The following AVL9 variants were observed in gnomAD, a reference collection of about 807,000 sequenced individuals.
AVL9 encodes AVL9 cell migration associated.
AVL9 carries 49 observed loss-of-function variants against 79.2 expected under a neutral mutation model. That is an observed-to-expected ratio of 0.62 (90% CI 0.49 to 0.79). The LOEUF is 0.79. Among genes scored for constraint, AVL9 ranks in the 30% least tolerant of loss-of-function variants. AVL9 has a pLI of 0.00. For missense variants in AVL9, 682 were observed against 776.8 expected, an observed-to-expected ratio of 0.88 and a Z score of 1.45; for synonymous variants, 299 against 280.6, an observed-to-expected ratio of 1.07 and a Z score of -0.65.
At chr7:32,528,737 G>T (rs778273442) in intron 1 of AVL9, among the ~76,000 whole-genome samples, 2 of 152,180 alleles carry the variant, frequency 1.3e-5, no homozygotes, top group East Asian at 1.9e-4. Context: ...ATAGGCCGGC[G>T]CAGTGGCTCA....
intron 11 of AVL9, among the ~76,000 whole-genome samples, chr7:32,572,070 G>T (rs1175328428): frequency 6.6e-6 from 1 of 151,704 alleles, no homozygotes; most frequent in Admixed American, 6.6e-5. Flanking sequence ...GCTGAGGCAG[G>T]AGAATCGCTT....
intron 1 of AVL9, chr7:32,532,174 C>T (rs1583529290): frequency 1.3e-5 from 2 of 152,186 alleles, no homozygotes; most frequent in South Asian, 4.1e-4. Context: ...CATCTCCAAC[C>T]AGATTCTTTT....
chr7:32,582,431 T>G (rs1299270835), intron 15 of AVL9, among the ~76,000 whole-genome samples: 1 of 152,252 alleles, frequency 6.6e-6, no homozygotes, highest in Non-Finnish European at 1.5e-5. Context: ...ACCACTAGAT[T>G]AGTTTTATTG....
chr7:32,562,456 C>T, intron 10 of AVL9: 1 of 184,308 alleles, frequency 5.4e-6, no homozygotes, highest in South Asian at 1.8e-4. Context: ...TTGTTCTAAC[C>T]CTATTTTTTA....
chr7:32,559,546 C>T, intron 10 of AVL9, 82 bp downstream of exon 10: 1 of 1,420,312 alleles, frequency 7.0e-7, no homozygotes. Context: ...TTTTGGTATT[C>T]AACACATTTT....
Position 32,583,900 on chromosome 7 carries a change from A to G in AVL9, c.1940A>G (p.Lys647Arg). The G allele has an allele frequency of 6.2e-7, 1 of 1,612,708 alleles. No homozygotes were observed. The highest frequency in any genetic ancestry group is 8.5e-7 in the Non-Finnish European group (1 of 1,178,722). Residue 647 changes from lysine (K) to arginine (R), a missense_variant, in exon 16 of 16, where the codon AAG (lysine) becomes AGG (arginine). Lys to Arg is a conservative substitution (Grantham distance 26). Transcript: ENST00000318709. ...AGTCTCACTGAGCCACCAGATGAGA[A>G]GCCTTGAGCAAGGCGTCAGAGGCTG... ...SQSLTEPPDE[K>R]P
chr7:32,563,066 C>G (rs1477577911), intron 10 of AVL9, among the ~76,000 whole-genome samples: 2 of 152,158 alleles, frequency 1.3e-5, no homozygotes, highest in Non-Finnish European at 2.9e-5. Context: ...AAGTCTTGTT[C>G]TGTCCCCCAG....
At chr7:32,544,809 C>G (rs533039303) in intron 3 of AVL9, 30 bp downstream of exon 3, 1 of 1,537,768 alleles carries the variant, frequency 6.5e-7, no homozygotes, top group East Asian at 2.3e-5. Context: ...AAAACAATTC[C>G]AAAGTCCCTT....
intron 8 of AVL9, among the ~76,000 whole-genome samples, chr7:32,554,837 A>ATC (rs1789989086): frequency 6.6e-6 from 1 of 152,142 alleles, no homozygotes; most frequent in Admixed American, 6.5e-5. Context: ...ATATTGGCTC[A>ATC]CTTTGGATTT....
At chr7:32,560,742 C>T (rs1426444740) in intron 10 of AVL9, among the ~76,000 whole-genome samples, 3 of 152,156 alleles carry the variant, frequency 2.0e-5, no homozygotes, top group African/African-American at 7.2e-5. Context: ...TGCCCAGATC[C>T]ATCAAAGGAA....
intron 10 of AVL9, among the ~76,000 whole-genome samples, chr7:32,560,484 C>G (rs996844280): frequency 3.9e-5 from 6 of 152,124 alleles, no homozygotes; most frequent in African/African-American, 7.2e-5. Flanking sequence ...CTCATCCGTT[C>G]AAGTTTTTAT....
intron 1 of AVL9, among the ~76,000 whole-genome samples, chr7:32,529,425 T>C (rs1372334634): frequency 2.0e-5 from 3 of 152,232 alleles, no homozygotes; most frequent in African/African-American, 7.2e-5. Context: ...ACATGGCACC[T>C]AGAATAAGTG....
chr7:32,495,798 G>C lies in AVL9; in HGVS notation c.89G>C (p.Cys30Ser), dbSNP rs1165834992. 4.0e-6 allele frequency: 5 copies of C among 1,257,866 alleles called. No individual in the cohort carries two copies. The African/African-American group carries it at 6.2e-5, about 16-fold the overall frequency. 77.9% of individuals were successfully genotyped at this position (1,257,866 alleles called of 1,614,324 possible). Residue 30 changes from cysteine (C) to serine (S), a missense_variant, in exon 1 of 16, where the codon TGC becomes TCC. Coordinates refer to ENST00000318709, the MANE Select transcript of AVL9 (RefSeq NM_015060.3). ...VVVGFHHKKG[C>S]QVEFSYPPLI... ...GTCGGATTTCACCACAAGAAGGGCT[G>C]CCAGGTGAGGAAAGGGCCCGCCCCC...
At chr7:32,545,832 G>T (rs1298607240) in intron 3 of AVL9, among the ~76,000 whole-genome samples, 8 of 152,086 alleles carry the variant, frequency 5.3e-5, no homozygotes, top group Admixed American at 4.6e-4. Context: ...CTCTCAAAAG[G>T]TCATTAATAC....
intron 1 of AVL9, among the ~76,000 whole-genome samples, chr7:32,497,687 ACT>A (rs978550270): frequency 1.4e-4 from 19 of 137,390 alleles, no homozygotes; most frequent in African/African-American, 5.0e-4. Context: ...ATGGAATCTC[ACT>A]CTCTCACCCA....
chr7:32,544,220 C>G (rs746950459), intron 2 of AVL9, among the ~76,000 whole-genome samples: 1 of 152,172 alleles, frequency 6.6e-6, no homozygotes. Flanking sequence ...TACTTAAGAT[C>G]TGAGAATGAG....
At chr7:32,531,850 C>A in intron 1 of AVL9, 1 of 158,946 alleles carries the variant, frequency 6.3e-6, no homozygotes. Flanking sequence ...TTGTGACCCC[C>A]AAAGCCCCAG....
rs533341558 is a variant in AVL9, at chr7:32,586,461, A to ACCCCC, written c.*2562_*2566dup. 3 of 45,640 alleles carry ACCCCC rather than the reference A, an allele frequency of 6.6e-5. No individual in the cohort carries two copies. The highest frequency in any genetic ancestry group is 2.5e-4 in the African/African-American group (3 of 11,944). 2.8% of individuals were successfully genotyped at this position (45,640 alleles called of 1,614,324 possible). On this transcript the variant is annotated 3_prime_UTR_variant, in exon 16 of 16. Coordinates refer to ENST00000318709, the MANE Select transcript of AVL9 (RefSeq NM_015060.3). ...AGGAAGCCTCACCCCTGGTCCTGTG[A>ACCCCC]CCCCCCCCCCCCACACACACACATA...
chr7:32,499,587 T>C (rs1174435066), intron 1 of AVL9, among the ~76,000 whole-genome samples: 1 of 152,252 alleles, frequency 6.6e-6, no homozygotes. Context: ...CAATTTTTTT[T>C]TTTAATTATA....
Sources: gnomAD v4.1 joint callset for allele counts (sites outside exome capture counted in the v4.1 genomes callset) on GRCh38, gnomAD v4.1.1 for gene constraint, MANE v1.5 for transcripts, NCBI Gene and HGNC (gene_info 2026-07-23, HGNC 2026-07-21) for gene names.